The following GALNTL6 variants were observed in gnomAD, a reference collection of about 807,000 sequenced individuals.
The protein encoded by GALNTL6 is polypeptide N-acetylgalactosaminyltransferase like 6.
In GALNTL6, 46 loss-of-function variants were observed where a neutral mutation model predicts 73.7. That is an observed-to-expected ratio of 0.62 (90% CI 0.49 to 0.80). The LOEUF is 0.80. Ranked by LOEUF, GALNTL6 falls within the 30% of genes least tolerant of loss-of-function variation. GALNTL6 has a pLI of 0.00. For missense variants in GALNTL6, 604 were observed against 755.0 expected (o/e 0.80, Z 2.34); for synonymous variants, 259 against 263.7 (o/e 0.98, Z 0.17).
intron 2 of GALNTL6, among the ~76,000 whole-genome samples, chr4:172,154,132 T>C (rs1202432170): frequency 1.3e-5 from 2 of 151,192 alleles, no homozygotes; most frequent in African/African-American, 4.9e-5. Context: ...AAAATCATGC[T>C]CATTTTACAT....
At chr4:171,894,120 T>C (rs762769834) in intron 2 of GALNTL6, among the ~76,000 whole-genome samples, 21 of 152,220 alleles carry the variant, frequency 1.4e-4, no homozygotes, top group Non-Finnish European at 1.9e-4. Flanking sequence ...GATGTAGTAT[T>C]AAGACTGTCA....
At chr4:172,885,621 C>T (rs1055811071) in intron 8 of GALNTL6, among the ~76,000 whole-genome samples, 2 of 152,158 alleles carry the variant, frequency 1.3e-5, no homozygotes, top group African/African-American at 4.8e-5. Context: ...AAGTGAGCAT[C>T]CTTGTCTTCT....
At chr4:172,491,487 C>T (rs539346012) in intron 5 of GALNTL6, among the ~76,000 whole-genome samples, 7 of 152,114 alleles carry the variant, frequency 4.6e-5, no homozygotes, top group South Asian at 4.1e-4. Context: ...AGTTCTGGCT[C>T]GTATTGACAA....
chr4:172,771,952 C>T (rs775070990), intron 5 of GALNTL6, among the ~76,000 whole-genome samples: 12 of 151,948 alleles, frequency 7.9e-5, no homozygotes, highest in African/African-American at 1.2e-4. Context: ...AAGACATACC[C>T]GAGATTGGGC....
At chr4:172,798,297 T>G (rs1740397056) in intron 5 of GALNTL6, among the ~76,000 whole-genome samples, 1 of 152,186 alleles carries the variant, frequency 6.6e-6, no homozygotes, top group Non-Finnish European at 1.5e-5. Context: ...ATCCCCAATG[T>G]TGGAGGTAGG....
At chr4:172,937,289 A>G (rs1748670894) in intron 9 of GALNTL6, among the ~76,000 whole-genome samples, 1 of 147,272 alleles carries the variant, frequency 6.8e-6, no homozygotes, top group Non-Finnish European at 1.5e-5. Context: ...GAGCATTTGT[A>G]AAAAAAAAAA....
At position 172,377,836 on chromosome 4, in the gene GALNTL6, G is replaced by A. The variant is rs536355849; in HGVS notation, c.553+29147G>A. 2.0e-3 allele frequency among the ~76,000 whole-genome samples: 308 copies of A among 152,224 alleles called. 3 individuals carry two copies. Among genetic ancestry groups the A allele is most frequent in the Non-Finnish European group, 1.4e-3 (93 of 67,994 alleles). ...CACAGGCTGGCCGCTCTGAGTGCGG[G>A]GCCTGCTGAGCCCACACCCACCCAG... On this transcript the variant is annotated intron_variant, in intron 5 of 12. Transcript: ENST00000506823.
At chr4:171,989,302 G>T (rs545892160) in intron 2 of GALNTL6, among the ~76,000 whole-genome samples, 2 of 152,176 alleles carry the variant, frequency 1.3e-5, no homozygotes, top group South Asian at 2.1e-4. Context: ...CTTCAGCCAC[G>T]AAGCCGAGAA....
intron 7 of GALNTL6, among the ~76,000 whole-genome samples, chr4:172,849,790 G>A (rs1457646518): frequency 6.6e-6 from 1 of 152,114 alleles, no homozygotes; most frequent in African/African-American, 2.4e-5. Flanking sequence ...CAAACTGTTT[G>A]ATTTGTCGTG....
intron 2 of GALNTL6, among the ~76,000 whole-genome samples, chr4:172,174,236 C>G (rs560398789): frequency 1.3e-5 from 2 of 152,142 alleles, no homozygotes; most frequent in East Asian, 3.9e-4. Flanking sequence ...TTAGAATAAT[C>G]AGAAGGTACC....
chr4:172,384,682 G>A (rs1743398289), intron 5 of GALNTL6, among the ~76,000 whole-genome samples: 1 of 151,914 alleles, frequency 6.6e-6, no homozygotes, highest in South Asian at 2.1e-4. Flanking sequence ...TAGATGGAAG[G>A]TTAGGTTATT....
At chr4:172,122,271 C>A (rs183355537) in intron 2 of GALNTL6, among the ~76,000 whole-genome samples, 1 of 151,944 alleles carries the variant, frequency 6.6e-6, no homozygotes, top group African/African-American at 2.4e-5. Flanking sequence ...TTCAATTACA[C>A]CATTATCCTG....
intron 7 of GALNTL6, among the ~76,000 whole-genome samples, chr4:172,878,061 G>A (rs544416849): frequency 3.3e-5 from 5 of 152,018 alleles, no homozygotes; most frequent in Non-Finnish European, 5.9e-5. Context: ...TATTTTAAGC[G>A]AAAGACTGGT....
intron 2 of GALNTL6, among the ~76,000 whole-genome samples, chr4:172,184,753 A>G (rs1735364485): frequency 1.3e-5 from 2 of 152,142 alleles, no homozygotes; most frequent in South Asian, 4.1e-4. Context: ...AAAAAACAGA[A>G]ATTCATTTCC....
At chr4:172,671,142 T>C (rs1188218119) in intron 5 of GALNTL6, among the ~76,000 whole-genome samples, 1 of 152,204 alleles carries the variant, frequency 6.6e-6, no homozygotes, top group Non-Finnish European at 1.5e-5. Flanking sequence ...GGCTCTTTTT[T>C]GGTTCCATAT....
At chr4:171,823,945 T>C (rs1468969770) in intron 2 of GALNTL6, among the ~76,000 whole-genome samples, 1 of 150,646 alleles carries the variant, frequency 6.6e-6, no homozygotes, top group East Asian at 1.9e-4. Context: ...ATAAAGTGAT[T>C]ATAATAAAAC....
intron 5 of GALNTL6, among the ~76,000 whole-genome samples, chr4:172,463,658 A>T (rs1191037583): frequency 1.3e-5 from 2 of 152,234 alleles, no homozygotes; most frequent in East Asian, 3.8e-4. Flanking sequence ...TTGTATCATT[A>T]ACTAATTAAT....
At chr4:172,001,093 C>T (rs1740659395) in intron 2 of GALNTL6, among the ~76,000 whole-genome samples, 1 of 152,146 alleles carries the variant, frequency 6.6e-6, no homozygotes, top group Non-Finnish European at 1.5e-5. Context: ...AGTACGTAGT[C>T]ATCATTGTAA....
chr4:171,818,423 T>C (rs1734581835), intron 2 of GALNTL6, among the ~76,000 whole-genome samples: 1 of 151,796 alleles, frequency 6.6e-6, no homozygotes, highest in Non-Finnish European at 1.5e-5. Context: ...ATAATATTAA[T>C]TACAGAAATA....
Sources: allele counts gnomAD v4.1 joint callset (sites outside exome capture counted in the v4.1 genomes callset), GRCh38; gene constraint gnomAD v4.1.1; transcripts MANE v1.5; gene names NCBI Gene and HGNC (gene_info 2026-07-23, HGNC 2026-07-21).